MEOX2: variants seen among roughly 807,000 people sequenced by gnomAD.
The protein encoded by MEOX2 is homeobox protein MOX-2.
In MEOX2, 11 loss-of-function variants were observed where a neutral mutation model predicts 27.0. The observed-to-expected ratio is 0.41, with a 90% CI of 0.26 to 0.68. The LOEUF (loss-of-function observed/expected upper bound fraction) is 0.68, where lower values mean the gene tolerates loss of function less well. Among genes scored for constraint, MEOX2 ranks in the 30% least tolerant of loss-of-function variants. The pLI is 0.33. For synonymous variants in MEOX2, 189 were observed against 155.4 expected, an observed-to-expected ratio of 1.22 and a Z score of -1.61; for missense variants, 436 against 385.4, an observed-to-expected ratio of 1.13 and a Z score of -1.10.
rs1419215826 is a variant in MEOX2 at position 15,611,264 on chromosome 7, T to C, written c.*1123A>G. The C allele has an allele frequency of 6.6e-6, 1 of 152,150 alleles. No homozygotes were observed. Among genetic ancestry groups the C allele is most frequent in the East Asian group, 1.9e-4 (1 of 5,192 alleles). The allele number at this position is 152,150 out of a possible 1,614,324, so 9.4% of individuals were successfully genotyped here. A position where few individuals can be genotyped will look rare whatever the true frequency, so the allele number is the denominator to read the frequency against. ...ACATTTTAAAAACAAAATACAAAGA[T>C]AGTTGTTCTGCATGAATACATCACA... is the stretch of plus-strand genomic sequence containing the variant. On this transcript the variant is annotated 3_prime_UTR_variant, in exon 3 of 3. Transcript: ENST00000262041.
chr7:15,656,854 C>T (rs886677158), intron 1 of MEOX2, among the ~76,000 whole-genome samples: 5 of 151,610 alleles, frequency 3.3e-5, no homozygotes, highest in African/African-American at 9.7e-5. Flanking sequence ...AAAAAAAATT[C>T]TTTAGTCATT....
At chr7:15,683,670 C>T (rs1782328425) in intron 1 of MEOX2, among the ~76,000 whole-genome samples, 1 of 152,058 alleles carries the variant, frequency 6.6e-6, no homozygotes, top group Non-Finnish European at 1.5e-5. Context: ...ATACCTTCAG[C>T]TGAAATTGGC....
chr7:15,618,854 A>G (rs1011660730), intron 2 of MEOX2, among the ~76,000 whole-genome samples: 1 of 151,922 alleles, frequency 6.6e-6, no homozygotes, highest in Non-Finnish European at 1.5e-5. Flanking sequence ...GTGAGTATAC[A>G]CTGACCCATA....
intron 1 of MEOX2, among the ~76,000 whole-genome samples, chr7:15,672,761 ACG>A (rs1782123450): frequency 6.6e-6 from 1 of 151,970 alleles, no homozygotes; most frequent in African/African-American, 2.4e-5. Flanking sequence ...GTATGGTGGC[ACG>A]TGCCTGTAGT....
At chr7:15,615,760 T>G (rs1781114789) in intron 2 of MEOX2, among the ~76,000 whole-genome samples, 1 of 152,056 alleles carries the variant, frequency 6.6e-6, no homozygotes, top group Non-Finnish European at 1.5e-5. Context: ...TATTTTCTCA[T>G]GGACAATTCC....
intron 1 of MEOX2, among the ~76,000 whole-genome samples, chr7:15,663,759 G>T (rs1005560067): frequency 4.6e-5 from 7 of 152,170 alleles, no homozygotes; most frequent in African/African-American, 1.7e-4. Context: ...ACTGTGGCAG[G>T]CATTTAAAGA....
At chr7:15,635,803 G>T (rs191164901) in intron 1 of MEOX2, among the ~76,000 whole-genome samples, 53 of 152,048 alleles carry the variant, frequency 3.5e-4, no homozygotes, top group African/African-American at 1.3e-3. Flanking sequence ...GTATCTATGT[G>T]TTATTTTTGG....
chr7:15,667,135 C>A lies in MEOX2; in HGVS notation c.517+18751G>T, dbSNP rs544714067. ...TGAAACCCCGTCTCTACTAAAAATA[C>A]AAAAAATTAGCTGGGTGTGGTGGCA... is the stretch of plus-strand genomic sequence containing the variant. On this transcript the variant is annotated intron_variant, in intron 1 of 2. Transcript: ENST00000262041. Among the ~76,000 whole-genome samples the A allele has an allele frequency of 4.8e-3, 722 of 150,704 alleles. 5 individuals are homozygous for A. Among genetic ancestry groups the A allele is most frequent in the Non-Finnish European group, 7.7e-3 (518 of 67,660 alleles).
In MEOX2 at chr7:15,638,391, C is replaced by T. The variant is rs185454863; in HGVS notation, c.518-11473G>A. ...GTATGTGCATGGGCATATATATTTA[C>T]AGTTAACACACTTAAAATACTTTGT... On this transcript the variant is annotated intron_variant, in intron 1 of 2. Coordinates refer to ENST00000262041, the MANE Select transcript of MEOX2 (RefSeq NM_005924.5). 2.1e-4 allele frequency among the ~76,000 whole-genome samples: 32 copies of T among 152,250 alleles called. 2 individuals are homozygous for T. In the East Asian group the frequency reaches 6.0e-3, roughly 28 times the overall value.
chr7:15,626,628 T>A, intron 2 of MEOX2, 118 bp downstream of exon 2: 1 of 668,610 alleles, frequency 1.5e-6, no homozygotes, highest in Non-Finnish European at 2.5e-6. Flanking sequence ...TGGAATAGTA[T>A]AACTGTCTTC....
intron 1 of MEOX2, among the ~76,000 whole-genome samples, chr7:15,675,801 T>C (rs1782183876): frequency 6.6e-6 from 1 of 152,224 alleles, no homozygotes; most frequent in Admixed American, 6.5e-5. Flanking sequence ...TTCTTGTCCC[T>C]GCTGTGTATT....
chr7:15,685,285 C>T (rs763003536), intron 1 of MEOX2, among the ~76,000 whole-genome samples: 4 of 152,108 alleles, frequency 2.6e-5, no homozygotes, highest in Non-Finnish European at 4.4e-5. Flanking sequence ...ATGTCTTCTT[C>T]CCCAATAAAG....
chr7:15,642,200 A>G (rs1015271056), intron 1 of MEOX2, among the ~76,000 whole-genome samples: 3 of 152,054 alleles, frequency 2.0e-5, no homozygotes, highest in Admixed American at 1.3e-4. Context: ...CCCTTCAAAC[A>G]TGTTTTCCAA....
At chr7:15,642,831 T>G (rs1179473400) in intron 1 of MEOX2, among the ~76,000 whole-genome samples, 1 of 152,196 alleles carries the variant, frequency 6.6e-6, no homozygotes, top group African/African-American at 2.4e-5. Flanking sequence ...TCCCTTTAGC[T>G]TTGTTTCTTT....
chr7:15,630,655 G>A (rs1017817987), intron 1 of MEOX2, among the ~76,000 whole-genome samples: 3 of 151,838 alleles, frequency 2.0e-5, no homozygotes, highest in African/African-American at 7.3e-5. Context: ...TCAATGTTTT[G>A]TAAACTATTC....
chr7:15,612,647 A>G (rs754748821), intron 2 of MEOX2, 36 bp from the exon 3 acceptor site: 4 of 1,581,780 alleles, frequency 2.5e-6, no homozygotes, highest in Non-Finnish European at 3.5e-6. Context: ...AACAGAAAAA[A>G]AGAGATAATT....
chr7:15,674,067 C>A (rs1418586980), intron 1 of MEOX2, among the ~76,000 whole-genome samples: 1 of 151,764 alleles, frequency 6.6e-6, no homozygotes, highest in African/African-American at 2.4e-5. Context: ...TAATATTAAA[C>A]AAAATTTGGT....
chr7:15,665,113 G>T (rs1278206998), intron 1 of MEOX2, among the ~76,000 whole-genome samples: 7 of 150,764 alleles, frequency 4.6e-5, no homozygotes, highest in African/African-American at 7.4e-5. Context: ...ACAGTTCAGG[G>T]TTCCTTCTAA....
chr7:15,679,928 G>A (rs1192803803), intron 1 of MEOX2: 1 of 151,734 alleles, frequency 6.6e-6, no homozygotes, highest in East Asian at 1.9e-4. Context: ...ATAACACTGT[G>A]AAAACCAATA....
Sources: gnomAD v4.1 joint callset for allele counts (sites outside exome capture counted in the v4.1 genomes callset) on GRCh38, gnomAD v4.1.1 for gene constraint, MANE v1.5 for transcripts, NCBI Gene and HGNC (gene_info 2026-07-23, HGNC 2026-07-21) for gene names.